SARDH: variants seen among roughly 807,000 people sequenced by gnomAD.
SARDH encodes the protein sarcosine dehydrogenase, mitochondrial.
SARDH carries 95 observed loss-of-function variants against 109.1 expected under a neutral mutation model. The ratio of observed to expected loss-of-function variants is 0.87; its 90% CI spans 0.74 to 1.03. The LOEUF (loss-of-function observed/expected upper bound fraction) is 1.03, where lower values mean the gene tolerates loss of function less well. Among genes scored for constraint, SARDH ranks in the 50% least tolerant of loss-of-function variants. SARDH has a pLI of 0.00. For synonymous variants in SARDH, 572 were observed against 534.8 expected, an observed-to-expected ratio of 1.07 and a Z score of -0.96; for missense variants, 1,267 against 1,287.8, an observed-to-expected ratio of 0.98 and a Z score of 0.25.
chr9:133,659,572 G>A (rs1325052644), downstream of SARDH, among the ~76,000 whole-genome samples: 1 of 152,200 alleles, frequency 6.6e-6, no homozygotes, highest in Non-Finnish European at 1.5e-5. Flanking sequence ...AGCCACTTCA[G>A]CAAAACGCTG....
rs1292635422 is a variant in SARDH, at chr9:133,669,350, CCCTCG to C, written c.2495+1229_2495+1233del. 8.5e-3 allele frequency among the ~76,000 whole-genome samples: 992 copies of C among 116,654 alleles called. 35 individuals carry two copies. The highest frequency in any genetic ancestry group is 0.013 in the Non-Finnish European group (764 of 56,706). The allele number at this position is 116,654 out of a possible 152,430, so 76.5% of individuals were successfully genotyped here. On this transcript the variant is annotated intron_variant, in intron 19 of 20. Transcript: ENST00000439388. ...CTCTCCCTCGTCCTCCCTCTCCCTC[CCCTCG>C]TCACTCTGACACTCCTTTTGAAGGC...
At chr9:133,690,721 C>T (rs1298861399) in intron 15 of SARDH, among the ~76,000 whole-genome samples, 194 bp from the exon 16 acceptor site, 1 of 152,112 alleles carries the variant, frequency 6.6e-6, no homozygotes, top group African/African-American at 2.4e-5. Context: ...TCCTCTGAGC[C>T]ATGGGGGTTA....
chr9:133,718,932 T>C lies in SARDH; in HGVS notation c.1020+6A>G. The C allele has an allele frequency of 1.2e-6, 2 of 1,609,594 alleles. No individual in the cohort carries two copies. Among genetic ancestry groups the C allele is most frequent in the Middle Eastern group, 3.3e-4 (2 of 6,048 alleles). On this transcript the variant is annotated splice_donor_region_variant and intron_variant, in intron 7 of 20. Transcript: ENST00000439388. This position sits in a 1 kb window ranked among gnomAD's most constrained non-coding sequence, Gnocchi z 4.2. ...CTCCCATTATCCCAGGGCCCTGGCA[T>C]CTTACCTCCTCCCAAAAGATGGGGT...
chr9:133,726,377 T>TAAC (rs2131490748), intron 6 of SARDH, among the ~76,000 whole-genome samples: 1 of 141,870 alleles, frequency 7.0e-6, no homozygotes, highest in South Asian at 2.3e-4. Context: ...CAAATAATAA[T>TAAC]AATAATAATA....
chr9:133,662,284 C>T (rs1383034701), downstream of SARDH, among the ~76,000 whole-genome samples: 1 of 152,168 alleles, frequency 6.6e-6, no homozygotes, highest in East Asian at 1.9e-4. The surrounding 1 kb of genome is among the most constrained non-coding windows in gnomAD (Gnocchi z 5.1). Flanking sequence ...CGGGCTCTGA[C>T]CTCCCCTCAT....
intron 17 of SARDH, among the ~76,000 whole-genome samples, chr9:133,677,364 C>T (rs936282319): frequency 2.6e-5 from 4 of 152,116 alleles, no homozygotes; most frequent in African/African-American, 9.7e-5. Flanking sequence ...TGAAAGAATC[C>T]GTAGGGGATG....
intron 1 of SARDH, among the ~76,000 whole-genome samples, chr9:133,734,997 C>G (rs1832833574): frequency 6.6e-6 from 1 of 152,078 alleles, no homozygotes; most frequent in Non-Finnish European, 1.5e-5. Context: ...CACAGCAGGG[C>G]AGGGAGGGGG....
At chr9:133,727,649 C>T (rs952284721) in intron 6 of SARDH, among the ~76,000 whole-genome samples, 3 of 152,230 alleles carry the variant, frequency 2.0e-5, no homozygotes, top group East Asian at 1.9e-4. Context: ...GGGCTTTGTG[C>T]GAAGCCCCAG....
intron 17 of SARDH, among the ~76,000 whole-genome samples, chr9:133,681,088 C>T (rs116807502): frequency 0.011 from 1,704 of 152,326 alleles, 34 homozygotes; most frequent in African/African-American, 0.039. Context: ...TCGGCAGAGA[C>T]GAGCTCCTGG....
intron 17 of SARDH, among the ~76,000 whole-genome samples, chr9:133,677,067 A>T (rs1830539276): frequency 6.6e-6 from 1 of 152,144 alleles, no homozygotes; most frequent in Non-Finnish European, 1.5e-5. Context: ...TGAACCTGAG[A>T]GGCGGAGGCT....
rs1307849081 is a variant in SARDH at position 133,692,733 on chromosome 9, G to A, written c.1921+1525C>T. 2.0e-5 allele frequency among the ~76,000 whole-genome samples: 3 copies of A among 152,274 alleles called. No homozygotes were observed. The highest frequency in any genetic ancestry group is 7.2e-5 in the African/African-American group (3 of 41,560). ...CTCCTCCCGACCCTGGCTACCTGGT[G>A]CTTCCACACAGTGCAGGCTCACGTG... On this transcript the variant is annotated intron_variant, in intron 15 of 20. Coordinates refer to ENST00000439388, the MANE Select transcript of SARDH (RefSeq NM_001134707.2). The surrounding 1 kb of genome is among the most constrained non-coding windows in gnomAD (Gnocchi z 5.0).
At chr9:133,663,496 C>G (rs1829951052), downstream of SARDH, 3 of 258,574 alleles carry the variant, frequency 1.2e-5, no homozygotes, top group Admixed American at 5.2e-5. Flanking sequence ...GCCAAGTGCC[C>G]CAGGGAAGCC....
chr9:133,695,524 C>T (rs781406897), intron 14 of SARDH, among the ~76,000 whole-genome samples: 5 of 152,288 alleles, frequency 3.3e-5, no homozygotes, highest in South Asian at 2.1e-4. Context: ...AGCTGCATGC[C>T]GAGGAAGGCC....
At chr9:133,737,306 T>C (rs1832917638) in intron 1 of SARDH, among the ~76,000 whole-genome samples, 1 of 152,188 alleles carries the variant, frequency 6.6e-6, no homozygotes, top group African/African-American at 2.4e-5. Context: ...TGCAGCGGCG[T>C]AGGGGAGTGA....
intron 6 of SARDH, among the ~76,000 whole-genome samples, chr9:133,726,542 T>C (rs763204042): frequency 6.6e-6 from 1 of 152,072 alleles, no homozygotes; most frequent in Non-Finnish European, 1.5e-5. Flanking sequence ...GCAGGATCCA[T>C]GTCTGGACTT....
At position 133,670,590 on chromosome 9, in the gene SARDH, A is replaced by C. The variant is rs1375060813; in HGVS notation, c.2489T>G (p.Met830Arg). 2 of 1,573,068 alleles carry C rather than the reference A, an allele frequency of 1.3e-6. No homozygotes were observed. The highest frequency in any genetic ancestry group is 1.3e-5 in the African/African-American group (1 of 74,140). Residue 830 changes from methionine to arginine, a missense_variant, in exon 19 of 21, where the codon ATG becomes AGG. Met to Arg is a moderately conservative substitution (Grantham distance 91, BLOSUM62 -1). Coordinates refer to ENST00000439388, the MANE Select transcript of SARDH (RefSeq NM_001134707.2). ...GGAACAGCGGGATACTCACTCCTCC[A>C]TGGTGAAGCACACCAGGCGCCGGCG... The part of the protein sequence containing the change: ...GLRRRLVCFT[M>R]EDKVPMFGLE...
rs1335239146 is a variant in SARDH at position 133,708,412 on chromosome 9, G to A, written c.1345C>T (p.Leu449Phe). 6.2e-7 allele frequency: 1 copy of A among 1,610,980 alleles called. No individual in the cohort carries two copies. Among genetic ancestry groups the A allele is most frequent in the South Asian group, 1.1e-5 (1 of 90,900 alleles). ...GYDIRRFHHS[L>F]TDHPRWIRER... The stretch of plus-strand genomic sequence containing the variant: ...CGGATCCAGCGGGGGTGGTCCGTGA[G>A]CGAGTGATGGAAGCGCCTGCCGCAG... The change falls in exon 11 of 21, where the codon CTC (leucine) becomes TTC (phenylalanine). Residue 449 changes from leucine to phenylalanine, a missense_variant. Coordinates refer to ENST00000439388, the MANE Select transcript of SARDH (RefSeq NM_001134707.2).
In SARDH at chr9:133,704,160, G is replaced by A. The variant is rs1220581218; in HGVS notation, c.1554+788C>T. Among the ~76,000 whole-genome samples, 7 of 152,248 alleles carry A rather than the reference G, an allele frequency of 4.6e-5. No homozygotes were observed. Among genetic ancestry groups the A allele is most frequent in the Admixed American group, 2.6e-4 (4 of 15,300 alleles). ...CCTGCAAGGCTCTGACCCCAGAGCC[G>A]TGGCCCCGTTAGCCAGCTCTGGCTC... On this transcript the variant is annotated intron_variant, in intron 12 of 20. Coordinates refer to ENST00000439388, the MANE Select transcript of SARDH (RefSeq NM_001134707.2). This position sits in a 1 kb window ranked among gnomAD's most constrained non-coding sequence, Gnocchi z 4.5.
In SARDH at chr9:133,718,662, T is replaced by G. The variant is rs1197127452; in HGVS notation, c.1020+276A>C. The G allele has an allele frequency of 1.3e-6, 1 of 779,428 alleles. No homozygotes were observed. Among genetic ancestry groups the G allele is most frequent in the African/African-American group, 1.7e-5 (1 of 59,162 alleles). The allele number at this position is 779,428 out of a possible 1,614,324, so 48.3% of individuals were successfully genotyped here. Reference sequence around the variant, plus strand: ...AGGACGTAGGACTTGTGTGCTCTCATGCCCTTCTGAGGTCATCACTCCACA... The same window carrying G: ...AGGACGTAGGACTTGTGTGCTCTCAGGCCCTTCTGAGGTCATCACTCCACA... On this transcript the variant is annotated intron_variant, in intron 7 of 20. Transcript: ENST00000439388. The surrounding 1 kb of genome is among the most constrained non-coding windows in gnomAD (Gnocchi z 4.2).
Sources: gnomAD v4.1 joint callset for allele counts (sites outside exome capture counted in the v4.1 genomes callset) on GRCh38, gnomAD v4.1.1 for gene constraint, Gnocchi (gnomAD v3.1) non-coding constraint, MANE v1.5 for transcripts, NCBI Gene and HGNC (gene_info 2026-07-23, HGNC 2026-07-21) for gene names.